The following DISC1 variants were observed in gnomAD, a reference collection of about 807,000 sequenced individuals.
The protein encoded by DISC1 is DISC1 scaffold protein, also known as disrupted in schizophrenia 1 protein.
DISC1 carries 57 observed loss-of-function variants against 84.5 expected under a neutral mutation model. That is an observed-to-expected ratio of 0.67 (90% CI 0.55 to 0.84). The LOEUF is 0.84. Ranked by LOEUF, DISC1 falls within the 40% of genes least tolerant of loss-of-function variation. The pLI is 0.00. For missense variants in DISC1, 1,000 were observed against 1,057.8 expected (o/e 0.95, Z 0.76); for synonymous variants, 411 against 415.2 (o/e 0.99, Z 0.12).
At chr1:231,640,212 C>T (rs2059520170) in intron 1 of DISC1, among the ~76,000 whole-genome samples, 1 of 152,196 alleles carries the variant, frequency 6.6e-6, no homozygotes, top group South Asian at 2.1e-4. Flanking sequence ...TCTCCCTCCT[C>T]CTCCACTTCC....
At chr1:231,806,278 G>C (rs912788451) in intron 8 of DISC1, among the ~76,000 whole-genome samples, 1 of 152,182 alleles carries the variant, frequency 6.6e-6, no homozygotes, top group Admixed American at 6.5e-5. Context: ...ACAGGTTCCC[G>C]GCCAGTGTAC....
intron 9 of DISC1, among the ~76,000 whole-genome samples, chr1:231,824,060 G>A (rs899152156): frequency 6.6e-6 from 1 of 152,106 alleles, no homozygotes; most frequent in African/African-American, 2.4e-5. Flanking sequence ...ATGTAACTTA[G>A]CACCTAAAAA....
intron 9 of DISC1, among the ~76,000 whole-genome samples, chr1:231,835,360 C>G (rs6680522): frequency 0.86 from 130,877 of 152,130 alleles, 56,392 homozygotes; most frequent in Non-Finnish European, 0.88. Flanking sequence ...ATAGGGGTGG[C>G]GCTGTTTTAT....
chr1:231,806,833 G>C (rs1317922966), intron 8 of DISC1, among the ~76,000 whole-genome samples: 2 of 152,250 alleles, frequency 1.3e-5, no homozygotes, highest in Non-Finnish European at 2.9e-5. Context: ...CCCTGGGGCA[G>C]AGCGAAGGGA....
chr1:232,001,981 A>C (rs1287680201), intron 10 of DISC1, among the ~76,000 whole-genome samples: 2 of 152,324 alleles, frequency 1.3e-5, no homozygotes, highest in East Asian at 3.9e-4. Flanking sequence ...TTGTAACCAT[A>C]TATATCTGAC....
intron 3 of DISC1, among the ~76,000 whole-genome samples, chr1:231,715,432 A>G (rs1406409655): frequency 6.6e-6 from 1 of 152,212 alleles, no homozygotes; most frequent in Non-Finnish European, 1.5e-5. Context: ...CTGGTCTTAC[A>G]TGTTAGCTTG....
In DISC1 at chr1:231,738,397, G is replaced by T. The variant is rs2793098; in HGVS notation, c.1118-11529G>T. On this transcript the variant is annotated intron_variant, in intron 3 of 12. Coordinates refer to ENST00000439617, the MANE Select transcript of DISC1 (RefSeq NM_018662.3). Reference sequence around the variant, plus strand: ...TTGAGCAGTTCGTTAGTACTCAATCGTTCTCTGTCTTCCATGTCCTTGAAA... The same window carrying T: ...TTGAGCAGTTCGTTAGTACTCAATCTTTCTCTGTCTTCCATGTCCTTGAAA... Among the ~76,000 whole-genome samples, 6 of 151,982 alleles carry T rather than the reference G, an allele frequency of 3.9e-5. No individual in the cohort carries two copies. In the East Asian group the frequency reaches 7.7e-4, roughly 20 times the overall value.
intron 10 of DISC1, among the ~76,000 whole-genome samples, chr1:231,970,549 A>G (rs111529663): frequency 1.4e-4 from 21 of 152,204 alleles, no homozygotes; most frequent in African/African-American, 4.6e-4. Context: ...GATGGAATCC[A>G]TGGGGTCTTA....
At chr1:232,000,125 G>A (rs1398802053) in intron 10 of DISC1, among the ~76,000 whole-genome samples, 5 of 152,110 alleles carry the variant, frequency 3.3e-5, no homozygotes, top group Non-Finnish European at 7.4e-5. Flanking sequence ...AGAATCAACC[G>A]ATACCAGCGG....
intron 10 of DISC1, chr1:231,959,419 G>A: frequency 1.0e-6 from 1 of 985,780 alleles, no homozygotes; most frequent in Non-Finnish European, 1.2e-6. Flanking sequence ...TCTGGCTTTT[G>A]TGGATGTGTG....
chr1:231,949,619 C>T (rs1041313558), intron 9 of DISC1, among the ~76,000 whole-genome samples: 8 of 152,102 alleles, frequency 5.3e-5, no homozygotes, highest in Non-Finnish European at 7.4e-5. Context: ...GAAAACACTG[C>T]GTAGTCCGGA....
chr1:231,750,261 C>T, intron 4 of DISC1, 185 bp downstream of exon 4: 1 of 1,399,548 alleles, frequency 7.1e-7, no homozygotes, highest in Non-Finnish European at 9.3e-7. Context: ...GTGGGTCATG[C>T]ATCTCTAGAA....
chr1:231,843,793 T>C (rs1006323036), intron 9 of DISC1, among the ~76,000 whole-genome samples: 3 of 152,174 alleles, frequency 2.0e-5, no homozygotes, highest in African/African-American at 4.8e-5. Context: ...AGAGATTGTA[T>C]GTCTCCTTTG....
chr1:232,007,545 T>C (rs1667614485), intron 10 of DISC1, among the ~76,000 whole-genome samples: 1 of 152,194 alleles, frequency 6.6e-6, no homozygotes, highest in Non-Finnish European at 1.5e-5. Flanking sequence ...TTTCTCCCAT[T>C]TGGGATGGAG....
At chr1:231,717,786 C>T (rs548382444) in intron 3 of DISC1, among the ~76,000 whole-genome samples, 37 of 152,196 alleles carry the variant, frequency 2.4e-4, no homozygotes, top group Admixed American at 1.6e-3. Context: ...TGTCATAGTG[C>T]GAGAATTGCT....
intron 1 of DISC1, among the ~76,000 whole-genome samples, chr1:231,641,975 T>TGG (rs1379575237): frequency 6.6e-6 from 1 of 152,160 alleles, no homozygotes; most frequent in Non-Finnish European, 1.5e-5. Context: ...GGGTGGTCGA[T>TGG]GGGACTGGGC....
At chr1:231,856,877 G>A (rs532579403) in intron 9 of DISC1, among the ~76,000 whole-genome samples, 11 of 152,272 alleles carry the variant, frequency 7.2e-5, no homozygotes, top group African/African-American at 2.4e-4. Flanking sequence ...AGTAAAAGCC[G>A]GAGTGATCAG....
intron 10 of DISC1, among the ~76,000 whole-genome samples, chr1:231,981,841 G>A (rs1481841288): frequency 2.6e-5 from 4 of 152,168 alleles, no homozygotes; most frequent in Admixed American, 1.3e-4. Flanking sequence ...GTGGTTTGAC[G>A]GTCGGTGAAG....
At chr1:231,725,283 A>C (rs1187915105) in intron 3 of DISC1, among the ~76,000 whole-genome samples, 2 of 152,200 alleles carry the variant, frequency 1.3e-5, no homozygotes, top group African/African-American at 4.8e-5. Flanking sequence ...TTTTGTGTTC[A>C]CAAGCCTCCT....
Sources: gnomAD v4.1 joint callset for allele counts (sites outside exome capture counted in the v4.1 genomes callset) on GRCh38, gnomAD v4.1.1 for gene constraint, MANE v1.5 for transcripts, NCBI Gene and HGNC (gene_info 2026-07-23, HGNC 2026-07-21) for gene names.